The following FBXL13 variants were observed in gnomAD, a reference collection of about 807,000 sequenced individuals.
FBXL13 encodes F-box and leucine-rich repeat protein 13.
A neutral mutation model predicts 83.6 loss-of-function variants in FBXL13; 67 were observed. The ratio of observed to expected loss-of-function variants is 0.80; its 90% CI spans 0.66 to 0.98. The LOEUF is 0.98. Ranked by LOEUF, FBXL13 falls within the 50% of genes least tolerant of loss-of-function variation. FBXL13 has a pLI of 0.00. For missense variants in FBXL13, 822 were observed against 866.5 expected, an observed-to-expected ratio of 0.95 and a Z score of 0.64; for synonymous variants, 272 against 299.5, an observed-to-expected ratio of 0.91 and a Z score of 0.95.
chr7:103,037,908 T>C (rs1010863021), intron 2 of FBXL13, among the ~76,000 whole-genome samples: 1 of 151,934 alleles, frequency 6.6e-6, no homozygotes, highest in Non-Finnish European at 1.5e-5. Context: ...GATTTCTGCA[T>C]TTCCAGCTGA....
chr7:102,954,333 A>G (rs922860517), intron 8 of FBXL13, among the ~76,000 whole-genome samples: 2 of 152,250 alleles, frequency 1.3e-5, no homozygotes, highest in African/African-American at 2.4e-5. Context: ...TTTACAGACA[A>G]GCAAATGCTG....
chr7:102,861,235 T>G (rs1806787750), intron 16 of FBXL13, among the ~76,000 whole-genome samples: 1 of 152,108 alleles, frequency 6.6e-6, no homozygotes, highest in African/African-American at 2.4e-5. Context: ...ATTCAAATTT[T>G]TTTGTATCCA....
intron 11 of FBXL13, among the ~76,000 whole-genome samples, chr7:102,894,233 C>T (rs1231857999): frequency 1.3e-5 from 2 of 152,184 alleles, no homozygotes; most frequent in Non-Finnish European, 2.9e-5. Context: ...CTAGAGAGAA[C>T]TGAAATGACC....
intron 6 of FBXL13, among the ~76,000 whole-genome samples, chr7:102,984,137 T>A (rs1828638014): frequency 6.6e-6 from 1 of 152,070 alleles, no homozygotes; most frequent in African/African-American, 2.4e-5. Context: ...GATAACACCG[T>A]GAAACATCAG....
intron 5 of FBXL13, among the ~76,000 whole-genome samples, chr7:103,025,471 A>G (rs1307980515): frequency 6.6e-6 from 1 of 152,234 alleles, no homozygotes; most frequent in Non-Finnish European, 1.5e-5. Flanking sequence ...CCATCTTGAA[A>G]CGCTGATCTA....
intron 8 of FBXL13, among the ~76,000 whole-genome samples, chr7:102,958,564 T>A (rs185932872): frequency 0.013 from 1,383 of 110,492 alleles, 26 homozygotes; most frequent in African/African-American, 0.043. Flanking sequence ...ATAATAATAA[T>A]AATAAAACAG....
chr7:102,847,073 C>T (rs1804118895), intron 17 of FBXL13, among the ~76,000 whole-genome samples: 1 of 152,110 alleles, frequency 6.6e-6, no homozygotes, highest in Admixed American at 6.5e-5. Flanking sequence ...TATTGGAATA[C>T]AGCAACTCTC....
chr7:102,834,978 T>G (rs1801621763), intron 17 of FBXL13, among the ~76,000 whole-genome samples: 1 of 151,980 alleles, frequency 6.6e-6, no homozygotes, highest in Non-Finnish European at 1.5e-5. Context: ...GTTAAAAATT[T>G]TAAGCCATTA....
At chr7:102,986,553 G>A (rs557066838) in intron 6 of FBXL13, among the ~76,000 whole-genome samples, 69 of 152,196 alleles carry the variant, frequency 4.5e-4, no homozygotes, top group African/African-American at 1.4e-3. Flanking sequence ...AGCCACAGCC[G>A]CCCGTGTGGA....
At chr7:102,967,261 C>T (rs372930653) in intron 7 of FBXL13, among the ~76,000 whole-genome samples, 1,916 of 75,706 alleles carry the variant, frequency 0.025, 16 homozygotes, top group Middle Eastern at 0.07. Context: ...CCCAGCCAAT[C>T]CTCTCTTTCT....
intron 11 of FBXL13, among the ~76,000 whole-genome samples, chr7:102,897,224 T>C (rs1176277023): frequency 1.3e-5 from 2 of 151,874 alleles, no homozygotes; most frequent in African/African-American, 4.8e-5. Flanking sequence ...TATAAAGCCA[T>C]GAGACAAGAT....
chr7:102,903,850 T>C (rs1470606537), intron 11 of FBXL13, among the ~76,000 whole-genome samples: 1 of 151,938 alleles, frequency 6.6e-6, no homozygotes, highest in East Asian at 1.9e-4. Context: ...CTTTCTAATG[T>C]ATTGTTGAAT....
At chr7:103,019,900 G>A (rs543057492) in intron 6 of FBXL13, among the ~76,000 whole-genome samples, 146 of 152,264 alleles carry the variant, frequency 9.6e-4, no homozygotes, top group Admixed American at 3.1e-3. Context: ...GAGGTACAAG[G>A]AGGAGCTGGT....
chr7:102,844,842 C>T (rs1220058038), intron 17 of FBXL13, among the ~76,000 whole-genome samples: 2 of 152,290 alleles, frequency 1.3e-5, no homozygotes, highest in East Asian at 3.9e-4. Flanking sequence ...TTAGTGTTCC[C>T]ATAACTACCT....
In FBXL13 at chr7:103,033,518, C is replaced by G. The variant is rs369396306; in HGVS notation, c.1-4100G>C. On this transcript the variant is annotated intron_variant, in intron 2 of 19. Coordinates refer to ENST00000313221, the Ensembl canonical transcript of FBXL13. ...GTTCGGATGTGTTCGGAGTTTCTTCCTTCTGGTGGATTCGTGGTCTTGCTG... is the reference window on the plus strand; with the variant it reads ...GTTCGGATGTGTTCGGAGTTTCTTCGTTCTGGTGGATTCGTGGTCTTGCTG... Among the ~76,000 whole-genome samples the G allele has an allele frequency of 5.9e-5, 9 of 152,186 alleles. No individual in the cohort carries two copies. The East Asian group carries it at 1.3e-3, about 23-fold the overall frequency.
intron 11 of FBXL13, among the ~76,000 whole-genome samples, chr7:102,887,930 T>C (rs1367148473): frequency 6.6e-6 from 1 of 152,130 alleles, no homozygotes; most frequent in African/African-American, 2.4e-5. Flanking sequence ...TGACCATGTA[T>C]AGTCAGAAAA....
intron 11 of FBXL13, among the ~76,000 whole-genome samples, chr7:102,890,248 C>T (rs1427439846): frequency 6.6e-6 from 1 of 151,994 alleles, no homozygotes; most frequent in African/African-American, 2.4e-5. Context: ...AATATGTTAC[C>T]AAGTTAAAAT....
chr7:102,871,686 C>A (rs1808559082), intron 16 of FBXL13, among the ~76,000 whole-genome samples: 1 of 152,212 alleles, frequency 6.6e-6, no homozygotes, highest in Admixed American at 6.5e-5. Flanking sequence ...AGCCACCACA[C>A]CTGGCCAATT....
intron 16 of FBXL13, among the ~76,000 whole-genome samples, chr7:102,876,337 T>C (rs113597458): frequency 5.3e-4 from 80 of 152,180 alleles, no homozygotes; most frequent in African/African-American, 1.8e-3. Flanking sequence ...GAAGACAACA[T>C]TGAGAAGACC....
Sources: allele counts gnomAD v4.1 joint callset (sites outside exome capture counted in the v4.1 genomes callset), GRCh38; gene constraint gnomAD v4.1.1; transcripts MANE v1.5; gene names NCBI Gene and HGNC (gene_info 2026-07-23, HGNC 2026-07-21).